MMUT: variants seen among roughly 807,000 people sequenced by gnomAD.
The protein encoded by MMUT is methylmalonyl-CoA mutase.
In MMUT, 79 loss-of-function variants were observed where a neutral mutation model predicts 79.9. That is an observed-to-expected ratio of 0.99 (90% CI 0.82 to 1.19). The LOEUF is 1.19. Ranked by LOEUF, MMUT falls within the 50% of genes most tolerant of loss-of-function variation. The pLI, the probability that MMUT is intolerant of heterozygous loss-of-function variation, is 0.00. For missense variants in MMUT, 860 were observed against 917.2 expected, an observed-to-expected ratio of 0.94 and a Z score of 0.81; for synonymous variants, 273 against 295.7, an observed-to-expected ratio of 0.92 and a Z score of 0.79.
chr6:49,456,235 G>T lies in MMUT; in HGVS notation c.756C>A (p.His252Gln). 6.2e-7 allele frequency: 1 copy of T among 1,604,300 alleles called. No homozygotes were observed. The highest frequency in any genetic ancestry group is 8.5e-7 in the Non-Finnish European group (1 of 1,171,892). Reference protein sequence around the residue: ...IADIFEYTAKHMPKFNSISIS... With the variant: ...IADIFEYTAKQMPKFNSISIS... ...TTGAAATTGAATTAAATTTTGGCAT[G>T]TGCTACATAAAAAAAAAAATTGTAA... Residue 252 changes from histidine to glutamine, a missense_variant and splice_region_variant, in exon 4 of 13, where the codon CAC becomes CAA. By Grantham distance (24) the His-to-Gln change is conservative. Transcript: ENST00000274813.
intron 3 of MMUT, among the ~76,000 whole-genome samples, chr6:49,457,410 C>T (rs1377984134): frequency 7.9e-5 from 12 of 152,084 alleles, no homozygotes; most frequent in East Asian, 1.9e-4. Context: ...ATCTGAATTT[C>T]GGAGGGAAAT....
At position 49,447,669 on chromosome 6, in the gene MMUT, C is replaced by T; in HGVS notation, c.1560+1G>A. 6.5e-7 allele frequency: 1 copy of T among 1,528,958 alleles called. No homozygotes were observed. The highest frequency in any genetic ancestry group is 9.0e-7 in the Non-Finnish European group (1 of 1,106,282). 94.7% of individuals were successfully genotyped at this position (1,528,958 alleles called of 1,614,324 possible). A position where few individuals can be genotyped will look rare whatever the true frequency, so the allele number is the denominator to read the frequency against. ...AAAAAAAAAAAGCAAGCTATTAATA[C>T]CTTCTTAAGTTTTTCAATCTGCCTG... On this transcript the variant is annotated splice_donor_variant, in intron 8 of 12. Coordinates refer to ENST00000274813, the MANE Select transcript of MMUT (RefSeq NM_000255.4). LOFTEE classifies it high-confidence loss of function.
At chr6:49,462,367 T>C (rs541231156) in intron 1 of MMUT, among the ~76,000 whole-genome samples, 11 of 152,328 alleles carry the variant, frequency 7.2e-5, no homozygotes, top group African/African-American at 2.4e-4. Context: ...TTCAAGAAGG[T>C]ACTTTGATGT....
chr6:49,459,526 T>TA lies in MMUT; in HGVS notation c.-39-22dup, dbSNP rs1767787138. The TA allele has an allele frequency of 2.6e-6, 4 of 1,563,566 alleles. No individual in the cohort carries two copies. In the South Asian group the frequency reaches 4.5e-5, roughly 18 times the overall value. On this transcript the variant is annotated intron_variant, in intron 1 of 12. Coordinates refer to ENST00000274813, the MANE Select transcript of MMUT (RefSeq NM_000255.4). ...CTGACCTAGAAAAAGAAACATAGAG[T>TA]AAAAACATTTAGAAGAGGGGGTGGG... is the stretch of plus-strand genomic sequence containing the variant.
At chr6:49,450,407 G>A (rs887336710) in intron 6 of MMUT, among the ~76,000 whole-genome samples, 5 of 151,688 alleles carry the variant, frequency 3.3e-5, no homozygotes, top group Non-Finnish European at 5.9e-5. Context: ...TTTAAAAAAA[G>A]GTGAGATGAA....
intron 6 of MMUT, among the ~76,000 whole-genome samples, chr6:49,450,144 T>C (rs1403120649): frequency 6.7e-6 from 1 of 150,078 alleles, no homozygotes; most frequent in Non-Finnish European, 1.5e-5. Flanking sequence ...GACAGGAGAA[T>C]CGCTTGAACT....
At chr6:49,458,080 A>G (rs931704580) in intron 2 of MMUT, 22 bp from the exon 3 acceptor site, 1 of 1,597,566 alleles carries the variant, frequency 6.3e-7, no homozygotes, top group Admixed American at 1.7e-5. Flanking sequence ...AAGAAAAATA[A>G]TGTAAGATTC....
intron 7 of MMUT, among the ~76,000 whole-genome samples, chr6:49,448,128 T>G (rs1767457996): frequency 2.0e-5 from 3 of 152,008 alleles, no homozygotes; most frequent in African/African-American, 7.2e-5. Context: ...CAGTAGCTTT[T>G]CTAATATTTT....
At position 49,430,619 on chromosome 6, in the gene MMUT, T is replaced by A. The variant is rs918701843; in HGVS notation, c.*1109A>T. On this transcript the variant is annotated 3_prime_UTR_variant, in exon 13 of 13. Transcript: ENST00000274813. ...AATGAGTTTGTAAATTCTACAGTAA[T>A]GTATCTATAATACTTTCCAAAAGAC... 31 of 130,762 alleles carry A rather than the reference T, an allele frequency of 2.4e-4. No homozygotes were observed. The highest frequency in any genetic ancestry group is 8.7e-4 in the African/African-American group (30 of 34,660). 8.1% of individuals were successfully genotyped at this position (130,762 alleles called of 1,614,324 possible). A position where few individuals can be genotyped will look rare whatever the true frequency, so the allele number is the denominator to read the frequency against.
chr6:49,448,913 A>T lies in MMUT; in HGVS notation c.1347T>A (p.Ile449=), dbSNP rs1301344180. 2 of 1,610,010 alleles carry T rather than the reference A, an allele frequency of 1.2e-6. No individual in the cohort carries two copies. The highest frequency in any genetic ancestry group is 2.7e-5 in the African/African-American group (2 of 74,818). Reference sequence around the variant, plus strand: ...CTTTGGCCATTCCACCCATTTCTTCAATTTCATTAATGAGCTAAAAAGAAA... The same window carrying T: ...CTTTGGCCATTCCACCCATTTCTTCTATTTCATTAATGAGCTAAAAAGAAA... ...YDAALKLINE[I]EEMGGMAKAV... The change falls in exon 7 of 13, where the codon ATT becomes ATA. Residue 449 remains isoleucine (I), a synonymous_variant. Transcript: ENST00000274813.
At position 49,440,220 on chromosome 6, in the gene MMUT, C is replaced by T. The variant is rs751804284; in HGVS notation, c.1942G>A (p.Gly648Ser). 1.6e-5 allele frequency: 26 copies of T among 1,613,908 alleles called. No individual in the cohort carries two copies. The African/African-American group carries it at 2.0e-4, about 12-fold the overall frequency. Residue 648 changes from glycine to serine, a missense_variant, in exon 11 of 13, where the codon GGC becomes AGC. Coordinates refer to ENST00000274813, the MANE Select transcript of MMUT (RefSeq NM_000255.4). ...GTTTTTAGTACCTGGAAAAGAGGGC[C>T]TATGTCCACATCAAAACCAAGATCA... ...FADLGFDVDI[G>S]PLFQTPREVA... is the part of the protein sequence containing the mutation.
intron 10 of MMUT, among the ~76,000 whole-genome samples, chr6:49,440,638 T>C (rs115741934): frequency 0.01 from 1,539 of 152,250 alleles, 21 homozygotes; most frequent in African/African-American, 0.035. Context: ...TGTGATGATC[T>C]CCCTACTCTC....
rs864309739 is a variant in MMUT at position 49,435,526 on chromosome 6, A to C, written c.2054T>G (p.Leu685Arg). The C allele has an allele frequency of 6.2e-7, 1 of 1,614,046 alleles. No homozygotes were observed. Among genetic ancestry groups the C allele is most frequent in the African/African-American group, 1.3e-5 (1 of 74,932 alleles). Reference sequence around the variant, plus strand: ...TCCAAGGGAGTTAAGTTCTTTGATGAGTTCAGGAACTAGGGTTTTATGACC... The same window carrying C: ...TCCAAGGGAGTTAAGTTCTTTGATGCGTTCAGGAACTAGGGTTTTATGACC... ...AAGHKTLVPELIKELNSLGRP... is the reference protein window; with the variant it reads ...AAGHKTLVPERIKELNSLGRP... Residue 685 changes from leucine to arginine, a missense_variant, in exon 12 of 13, where the codon CTC becomes CGC. Coordinates refer to ENST00000274813, the MANE Select transcript of MMUT (RefSeq NM_000255.4).
Position 49,444,671 on chromosome 6 carries a change from G to T in MMUT, c.1644C>A (p.Ile548=), listed in dbSNP as rs758475503. The T allele has an allele frequency of 6.2e-7, 1 of 1,613,310 alleles. No individual in the cohort carries two copies. The highest frequency in any genetic ancestry group is 8.5e-7 in the Non-Finnish European group (1 of 1,179,436). ...GAGATGCATCCACTGCAAGAGCCAG[G>T]ATATTTCCATCTCCGCTAGCAGCAC... ...TECAASGDGN[I]LALAVDASRA... The change falls in exon 9 of 13, where the codon ATC becomes ATA. Residue 548 remains isoleucine, a synonymous_variant. Coordinates refer to ENST00000274813, the MANE Select transcript of MMUT (RefSeq NM_000255.4).
chr6:49,453,688 C>G lies in MMUT; in HGVS notation c.980G>C (p.Arg327Thr). 1.2e-6 allele frequency: 2 copies of G among 1,613,300 alleles called. No individual in the cohort carries two copies. The highest frequency in any genetic ancestry group is 1.7e-6 in the Non-Finnish European group (2 of 1,179,490). The change falls in exon 5 of 13, where the codon AGA (arginine) becomes ACA (threonine). Residue 327 changes from arginine (R) to threonine (T), a missense_variant. Arg to Thr is a moderately conservative substitution (Grantham distance 71, BLOSUM62 -1). Transcript: ENST00000274813. ...MEIAKMRAGR[R>T]LWAHLIEKMF... ...TTTCTCTATTAAGTGAGCCCAGAGT[C>G]TTCTACCAGCTCTCATCTTTGCTAT... is the stretch of plus-strand genomic sequence containing the variant.
chr6:49,448,759 G>T, intron 7 of MMUT, 57 bp downstream of exon 7: 1 of 1,383,588 alleles, frequency 7.2e-7, no homozygotes. Context: ...TCTTCAAACA[G>T]AAATGAATTT....
At chr6:49,454,824 T>A (rs185571732) in intron 4 of MMUT, among the ~76,000 whole-genome samples, 33 of 152,316 alleles carry the variant, frequency 2.2e-4, no homozygotes, top group African/African-American at 7.9e-4. Context: ...GGCAGGAGGA[T>A]AGCTTGAGCC....
intron 6 of MMUT, 116 bp downstream of exon 6, chr6:49,451,346 TGTAA>T (rs1238521594): frequency 1.8e-5 from 21 of 1,149,684 alleles, no homozygotes; most frequent in Admixed American, 2.8e-5. Flanking sequence ...TATATAAATC[TGTAA>T]GTGATTTGAT....
In MMUT at chr6:49,463,232, C is replaced by T. The variant is rs1767904672; in HGVS notation, c.-169G>A. 1 of 152,452 alleles carries T rather than the reference C, an allele frequency of 6.6e-6. No individual in the cohort carries two copies. Among genetic ancestry groups the T allele is most frequent in the Non-Finnish European group, 1.5e-5 (1 of 68,148 alleles). 9.4% of individuals were successfully genotyped at this position (152,452 alleles called of 1,614,324 possible). On this transcript the variant is annotated 5_prime_UTR_variant, in exon 1 of 13. Coordinates refer to ENST00000274813, the MANE Select transcript of MMUT (RefSeq NM_000255.4). ...CAAGCCCACACAAACCGCGCCACCG[C>T]CAGCGTCAGCCGGACGACTCTGGGG...
Sources: allele counts gnomAD v4.1 joint callset (sites outside exome capture counted in the v4.1 genomes callset), GRCh38; gene constraint gnomAD v4.1.1; transcripts MANE v1.5; gene names NCBI Gene and HGNC (gene_info 2026-07-23, HGNC 2026-07-21).